PER3: variants seen among roughly 807,000 people sequenced by gnomAD.
PER3 encodes period circadian protein homolog 3.
In PER3, 107 loss-of-function variants were observed where a neutral mutation model predicts 127.2. The observed-to-expected ratio is 0.84, with a 90% confidence interval of 0.72 to 0.99. The LOEUF is 0.99. PER3 is among the 50% of genes least tolerant of loss of function. PER3 has a pLI of 0.00. For synonymous variants in PER3, 618 were observed against 585.8 expected, an observed-to-expected ratio of 1.05 and a Z score of -0.79; for missense variants, 1,560 against 1,525.8, an observed-to-expected ratio of 1.02 and a Z score of -0.37.
chr1:7,799,920 C>T (rs1255372993), intron 7 of PER3, among the ~76,000 whole-genome samples: 6 of 151,908 alleles, frequency 3.9e-5, no homozygotes, highest in African/African-American at 1.5e-4. Flanking sequence ...AGGCACGCAC[C>T]ATCACGCCTG....
rs575162936 is a variant in PER3, at chr1:7,844,800, A to G, written c.*2045A>G. 6.5e-6 allele frequency: 1 copy of G among 152,772 alleles called. No homozygotes were observed. The highest frequency in any genetic ancestry group is 2.1e-4 in the South Asian group (1 of 4,830). The allele number at this position is 152,772 out of a possible 1,614,324, so 9.5% of individuals were successfully genotyped here. On this transcript the variant is annotated 3_prime_UTR_variant, in exon 22 of 22. Coordinates refer to ENST00000377532, the MANE Select transcript of PER3 (RefSeq NM_001377275.1). ...AGCAGGGGGTTCAGCAGCTTGACCG[A>G]TGCCCCCCGAGGGGGCTCTCCCCAG...
intron 21 of PER3, among the ~76,000 whole-genome samples, chr1:7,838,001 G>A (rs1405886027): frequency 1.3e-5 from 2 of 152,104 alleles, no homozygotes; most frequent in African/African-American, 4.8e-5. Context: ...GGAAATTGAG[G>A]CTACAGTGAG....
Position 7,803,812 on chromosome 1 carries a change from A to G in PER3, c.1100A>G (p.Lys367Arg). The change falls in exon 10 of 22, where the codon AAG becomes AGG. Residue 367 changes from lysine (K) to arginine (R), a missense_variant. Transcript: ENST00000377532. ...WSSFVNPWSR[K>R]ISFIIGRHKV... ...AGCTTTGTGAATCCCTGGAGCCGGA[A>G]GATTTCTTTCATCATTGGTCGGCAT... is the stretch of plus-strand genomic sequence containing the variant. 2 of 1,613,990 alleles carry G rather than the reference A, an allele frequency of 1.2e-6. No individual in the cohort carries two copies.
At chr1:7,820,031 A>C in intron 14 of PER3, 84 bp from the exon 15 acceptor site, 2 of 1,349,294 alleles carry the variant, frequency 1.5e-6, no homozygotes, top group South Asian at 2.6e-5. Context: ...TGCCAAACAT[A>C]AGTGGCATGA....
intron 6 of PER3, among the ~76,000 whole-genome samples, chr1:7,795,417 G>A (rs2097140823): frequency 6.6e-6 from 1 of 152,188 alleles, no homozygotes; most frequent in Non-Finnish European, 1.5e-5. Flanking sequence ...GGGAGTTCTG[G>A]GAAGCGGGAG....
chr1:7,784,773 C>T lies in PER3; in HGVS notation c.-105C>T. On this transcript the variant is annotated 5_prime_UTR_variant, in exon 2 of 22. Transcript: ENST00000377532. ...CCGCCTGTTCTCACTAACGCCATGG[C>T]GGGGACCGGAGTGAGAAACCGGTGT... The T allele has an allele frequency of 8.1e-7, 1 of 1,227,538 alleles. No homozygotes were observed. Among genetic ancestry groups the T allele is most frequent in the Admixed American group, 4.1e-5 (1 of 24,206 alleles). The allele number at this position is 1,227,538 out of a possible 1,614,324, so 76.0% of individuals were successfully genotyped here. A position where few individuals can be genotyped will look rare whatever the true frequency, so the allele number is the denominator to read the frequency against.
At position 7,788,062 on chromosome 1, in the gene PER3, A is replaced by G. The variant is rs1326109209; in HGVS notation, c.408A>G (p.Val136=). The change falls in exon 5 of 22, where the codon GTA becomes GTG. Residue 136 remains valine (V), a synonymous_variant. Coordinates refer to ENST00000377532, the MANE Select transcript of PER3 (RefSeq NM_001377275.1). ...TTTCATAGGATACCTTTGTGGCAGTATTTTCATTTCTGTCTGGAAGGTTAG... is the reference window on the plus strand; with the variant it reads ...TTTCATAGGATACCTTTGTGGCAGTGTTTTCATTTCTGTCTGGAAGGTTAG... ...TSKNTDTFVA[V]FSFLSGRLVH... is the part of the protein sequence containing the mutation. The G allele has an allele frequency of 1.9e-6, 3 of 1,611,818 alleles. No individual in the cohort carries two copies. Among genetic ancestry groups the G allele is most frequent in the Admixed American group, 1.7e-5 (1 of 59,986 alleles).
At position 7,827,380 on chromosome 1, in the gene PER3, A is replaced by G; in HGVS notation, c.2451A>G (p.Ser817=). 1 of 1,613,818 alleles carries G rather than the reference A, an allele frequency of 6.2e-7. No homozygotes were observed. Among genetic ancestry groups the G allele is most frequent in the South Asian group, 1.1e-5 (1 of 91,062 alleles). The stretch of plus-strand genomic sequence containing the variant: ...CTTTTCCCCTCCCAGCCGCGACCTC[A>G]CCCGGAAGAGAATACGCAGCCCCCG... ...VPAFPLPAAT[S]PGREYAAPGT... The change falls in exon 18 of 22, where the codon TCA becomes TCG. Residue 817 remains serine, a synonymous_variant. Coordinates refer to ENST00000377532, the MANE Select transcript of PER3 (RefSeq NM_001377275.1).
Position 7,827,824 on chromosome 1 carries a change from TGC to T in PER3, c.2886+10_2886+11del. ...GCCCACAAACTGAGTATGTAAGTGA[TGC>T]TCATTTTCAACACTCAAGTGAGAAA... On this transcript the variant is annotated intron_variant, in intron 18 of 21. Coordinates refer to ENST00000377532, the MANE Select transcript of PER3 (RefSeq NM_001377275.1). 1 of 1,587,708 alleles carries T rather than the reference TGC, an allele frequency of 6.3e-7. No homozygotes were observed. The highest frequency in any genetic ancestry group is 1.1e-5 in the South Asian group (1 of 89,316).
At chr1:7,798,245 A>G (rs1195146708) in intron 6 of PER3, among the ~76,000 whole-genome samples, 10 of 152,220 alleles carry the variant, frequency 6.6e-5, no homozygotes, top group Admixed American at 6.5e-4. Flanking sequence ...CAAACTGGGA[A>G]TGCATCACAT....
chr1:7,808,254 A>G (rs948379608), intron 10 of PER3, among the ~76,000 whole-genome samples: 3 of 132,948 alleles, frequency 2.3e-5, no homozygotes, highest in Non-Finnish European at 3.3e-5. Flanking sequence ...AAAAAAAAAA[A>G]AAAAACTAGT....
chr1:7,787,539 T>G (rs948157097), intron 4 of PER3: 1 of 390,110 alleles, frequency 2.6e-6, no homozygotes. Flanking sequence ...TTAAGATATT[T>G]AAAATAAAGC....
rs2097398292 is a variant in PER3 at position 7,842,940 on chromosome 1, T to C, written c.*185T>C. On this transcript the variant is annotated 3_prime_UTR_variant, in exon 22 of 22. Coordinates refer to ENST00000377532, the MANE Select transcript of PER3 (RefSeq NM_001377275.1). The stretch of plus-strand genomic sequence containing the variant: ...GTATACAGAATCTTACTTCTCTTTG[T>C]TCCTGATATATTAAAATGGCCAGTT... 2 of 393,160 alleles carry C rather than the reference T, an allele frequency of 5.1e-6. No individual in the cohort carries two copies. The highest frequency in any genetic ancestry group is 9.1e-6 in the Non-Finnish European group (2 of 220,642). 24.4% of individuals were successfully genotyped at this position (393,160 alleles called of 1,614,324 possible).
intron 18 of PER3, among the ~76,000 whole-genome samples, chr1:7,829,309 A>G (rs1159554346): frequency 2.0e-5 from 3 of 152,220 alleles, no homozygotes; most frequent in Admixed American, 1.3e-4. Flanking sequence ...CAATGATAAC[A>G]ATATACTCAT....
In PER3 at chr1:7,826,538, G is replaced by C. The variant is rs142921497; in HGVS notation, c.2016G>C (p.Leu672Phe). 5.8e-3 allele frequency: 9,411 copies of C among 1,613,982 alleles called. 136 individuals carry two copies. Among genetic ancestry groups the C allele is most frequent in the South Asian group, 6.3e-3 (576 of 91,076 alleles). Residue 672 changes from leucine to phenylalanine, a missense_variant, in exon 17 of 22, where the codon TTG becomes TTC. Coordinates refer to ENST00000377532, the MANE Select transcript of PER3 (RefSeq NM_001377275.1). The surrounding 1 kb of genome is among the most constrained non-coding windows in gnomAD (Gnocchi z 4.2). ...CCCTGAACATGCAGCCAGCCCCTTTGACCTCGGAAGAATTTAAACACGTGG... is the reference window on the plus strand; with the variant it reads ...CCCTGAACATGCAGCCAGCCCCTTTCACCTCGGAAGAATTTAAACACGTGG... Reference protein sequence around the residue: ...PWTLNMQPAPLTSEEFKHVGL... With the variant: ...PWTLNMQPAPFTSEEFKHVGL...
At chr1:7,819,565 T>G in intron 14 of PER3, 145 bp downstream of exon 14, 1 of 698,650 alleles carries the variant, frequency 1.4e-6, no homozygotes, top group South Asian at 1.8e-5. Context: ...GCCTAACACA[T>G]ACGCTGAACA....
At chr1:7,825,907 G>GAACAAATACAAA (rs892357348) in intron 16 of PER3, among the ~76,000 whole-genome samples, 6 of 130,304 alleles carry the variant, frequency 4.6e-5, no homozygotes, top group Non-Finnish European at 1.0e-4. Flanking sequence ...AAAAAAAAAT[G>GAACAAATACAAA]AACAAATACA....
chr1:7,827,446 G>C lies in PER3; in HGVS notation c.2517G>C (p.Glu839Asp), dbSNP rs772014156. 1.2e-5 allele frequency: 20 copies of C among 1,614,052 alleles called. No individual in the cohort carries two copies. Among genetic ancestry groups the C allele is most frequent in the Non-Finnish European group, 1.6e-5 (19 of 1,180,018 alleles). The change falls in exon 18 of 22, where the codon GAG becomes GAC. Residue 839 changes from glutamate to aspartate, a missense_variant. Glu to Asp is a conservative substitution (Grantham distance 45). This residue lies in a region of PER3 where 1,332 missense variants were observed against 1,223.6 expected (regional missense o/e 1.09). Transcript: ENST00000377532. ...GCCTGCATGGGCTGCCCTTGTCCGA[G>C]GGCTTGCAGCCTTACCCAGCTTTCC... ...PEGLHGLPLS[E>D]GLQPYPAFPF...
Position 7,833,453 on chromosome 1 carries a change from A to C in PER3, c.3215-2309A>C, listed in dbSNP as rs566439273. ...ATTTTGAAGCTCTTTTATTAGGTGC[A>C]TATACACTTGAGATTATTATATCCT... On this transcript the variant is annotated intron_variant, in intron 19 of 21. Coordinates refer to ENST00000377532, the MANE Select transcript of PER3 (RefSeq NM_001377275.1). Among the ~76,000 whole-genome samples the C allele has an allele frequency of 5.9e-5, 9 of 152,342 alleles. No homozygotes were observed. The South Asian group carries it at 1.9e-3, about 32-fold the overall frequency.
Sources: allele counts gnomAD v4.1 joint callset (sites outside exome capture counted in the v4.1 genomes callset), GRCh38; gene constraint gnomAD v4.1.1; regional missense constraint gnomAD v4.1.1; non-coding constraint Gnocchi (gnomAD v3.1); transcripts MANE v1.5; gene names NCBI Gene and HGNC (gene_info 2026-07-23, HGNC 2026-07-21).